PPARD: variants seen among roughly 807,000 people sequenced by gnomAD.
PPARD encodes peroxisome proliferator activated receptor delta.
PPARD carries 6 observed loss-of-function variants against 39.5 expected under a neutral mutation model. The ratio of observed to expected loss-of-function variants is 0.15; its 90% confidence interval spans 0.08 to 0.30. The LOEUF is 0.30. Among genes scored for constraint, PPARD ranks in the 10% least tolerant of loss-of-function variants. The probability of loss-of-function intolerance (pLI) is 1.00; values close to 1 mark genes in which losing one functional copy is unlikely to be tolerated. For missense variants in PPARD, 397 were observed against 596.8 expected (o/e 0.67, Z 3.49); for synonymous variants, 210 against 231.3 (o/e 0.91, Z 0.83).
intron 3 of PPARD, 148 bp from the exon 4 acceptor site, chr6:35,419,979 T>A: frequency 1.1e-6 from 1 of 894,346 alleles, no homozygotes; most frequent in Non-Finnish European, 1.6e-6. Context: ...CCCCCTGTTC[T>A]AGGTGAAGAA....
intron 2 of PPARD, among the ~76,000 whole-genome samples, chr6:35,388,521 G>A (rs1265302967): frequency 6.6e-6 from 1 of 152,118 alleles, no homozygotes; most frequent in Non-Finnish European, 1.5e-5. Flanking sequence ...AGACCAGCCT[G>A]GGCAACATAG....
At chr6:35,376,132 A>G (rs976897567) in intron 2 of PPARD, among the ~76,000 whole-genome samples, 1 of 152,240 alleles carries the variant, frequency 6.6e-6, no homozygotes, top group Non-Finnish European at 1.5e-5. Context: ...TTTTTACTTT[A>G]AAATGATTGT....
intron 3 of PPARD, among the ~76,000 whole-genome samples, chr6:35,418,998 C>T (rs1765962770): frequency 6.6e-6 from 1 of 152,166 alleles, no homozygotes; most frequent in African/African-American, 2.4e-5. Context: ...TGGATAGGTA[C>T]TCCCATGGTG....
At chr6:35,408,940 C>T (rs1223941669) in intron 2 of PPARD, among the ~76,000 whole-genome samples, 1 of 151,880 alleles carries the variant, frequency 6.6e-6, no homozygotes, top group African/African-American at 2.4e-5. Context: ...TCTGCCACTG[C>T]CCCCTTTCTG....
intron 2 of PPARD, among the ~76,000 whole-genome samples, chr6:35,392,264 G>A (rs1380517242): frequency 1.3e-5 from 2 of 152,176 alleles, no homozygotes; most frequent in Non-Finnish European, 2.9e-5. Context: ...GCTCAGAGAA[G>A]TGAAGCAGTT....
intron 2 of PPARD, among the ~76,000 whole-genome samples, chr6:35,406,869 C>A (rs573904528): frequency 6.6e-6 from 1 of 152,226 alleles, no homozygotes; most frequent in Non-Finnish European, 1.5e-5. Flanking sequence ...GCTGTCAGGG[C>A]CTGGCCCGGC....
chr6:35,359,287 C>T (rs562391233), intron 2 of PPARD, among the ~76,000 whole-genome samples: 122 of 152,306 alleles, frequency 8.0e-4, no homozygotes, highest in Admixed American at 1.3e-3. Context: ...TCTCCTCCCC[C>T]TCACACCACC....
At position 35,383,715 on chromosome 6, in the gene PPARD, G is replaced by A. The variant is rs1234677156; in HGVS notation, c.-101-27272G>A. ...GGGATGTGAGGAGCACCTCTGCCCG[G>A]CCACGACCCCGTCTGGGAGGTGAGG... On this transcript the variant is annotated intron_variant, in intron 2 of 7. Transcript: ENST00000360694. Among the ~76,000 whole-genome samples the A allele has an allele frequency of 9.1e-5, 13 of 143,330 alleles. No homozygotes were observed. In the East Asian group the frequency reaches 2.6e-3, roughly 28 times the overall value. 94.0% of individuals were successfully genotyped at this position (143,330 alleles called of 152,430 possible). A position where few individuals can be genotyped will look rare whatever the true frequency, so the allele number is the denominator to read the frequency against.
chr6:35,384,353 T>C (rs1260016445), intron 2 of PPARD, among the ~76,000 whole-genome samples: 1 of 124,336 alleles, frequency 8.0e-6, no homozygotes, highest in Non-Finnish European at 1.7e-5. Flanking sequence ...GTCTGGGAGG[T>C]GAGGGGCGCC....
chr6:35,354,231 CA>C (rs1347497564), intron 2 of PPARD, among the ~76,000 whole-genome samples: 129 of 31,616 alleles, frequency 4.1e-3, no homozygotes, highest in East Asian at 0.028. Flanking sequence ...GACTCCGTCT[CA>C]AAAAAAAAAA....
intron 3 of PPARD, 120 bp downstream of exon 3, chr6:35,411,337 G>A (rs1357170813): frequency 2.4e-6 from 3 of 1,244,056 alleles, no homozygotes; most frequent in Non-Finnish European, 3.1e-6. Flanking sequence ...CTGAAGGACT[G>A]GAGCCGGAAG....
chr6:35,415,666 G>A (rs1002169543), intron 3 of PPARD, among the ~76,000 whole-genome samples: 1 of 152,188 alleles, frequency 6.6e-6, no homozygotes, highest in African/African-American at 2.4e-5. Context: ...ATGTAGGTAT[G>A]CGTAGTAGTG....
chr6:35,391,769 T>A (rs1764015501), intron 2 of PPARD, among the ~76,000 whole-genome samples: 1 of 152,158 alleles, frequency 6.6e-6, no homozygotes, highest in African/African-American at 2.4e-5. Context: ...CCTGTGACCA[T>A]AGCCAAGTCA....
intron 2 of PPARD, among the ~76,000 whole-genome samples, chr6:35,409,446 A>G (rs1269046158): frequency 6.6e-6 from 1 of 152,054 alleles, no homozygotes; most frequent in East Asian, 1.9e-4. Flanking sequence ...TAAAGGCTGC[A>G]GTGAGCCATG....
At chr6:35,384,641 C>A (rs1581593793) in intron 2 of PPARD, among the ~76,000 whole-genome samples, 1 of 72,448 alleles carries the variant, frequency 1.4e-5, no homozygotes, top group Non-Finnish European at 2.6e-5. Context: ...CGGCCAGCCG[C>A]CCCGTCCGGG....
At chr6:35,396,243 C>T (rs1326792678) in intron 2 of PPARD, among the ~76,000 whole-genome samples, 1 of 151,250 alleles carries the variant, frequency 6.6e-6, no homozygotes, top group Non-Finnish European at 1.5e-5. Context: ...CTCGCTCTGT[C>T]GCCCAGGCTG....
chr6:35,423,614 C>G (rs766973599), intron 5 of PPARD, among the ~76,000 whole-genome samples: 28 of 152,162 alleles, frequency 1.8e-4, no homozygotes, highest in Non-Finnish European at 3.7e-4. Context: ...AGCTGGAACT[C>G]AAGCCCAGGC....
chr6:35,372,942 C>G (rs1762584417), intron 2 of PPARD, among the ~76,000 whole-genome samples: 1 of 152,162 alleles, frequency 6.6e-6, no homozygotes, highest in Non-Finnish European at 1.5e-5. Context: ...ACAAAAGAAA[C>G]TGATTTCTCA....
intron 2 of PPARD, among the ~76,000 whole-genome samples, chr6:35,368,397 C>G (rs1226690265): frequency 6.6e-6 from 1 of 152,174 alleles, no homozygotes; most frequent in Non-Finnish European, 1.5e-5. Context: ...TTTGAGTTAT[C>G]CCAGATGGTA....
Sources: gnomAD v4.1 joint callset for allele counts (sites outside exome capture counted in the v4.1 genomes callset) on GRCh38, gnomAD v4.1.1 for gene constraint, MANE v1.5 for transcripts, NCBI Gene and HGNC (gene_info 2026-07-23, HGNC 2026-07-21) for gene names.